Variants in EYA4 observed in about 807,000 individuals in gnomAD.
EYA4 encodes EYA transcriptional coactivator and phosphatase 4.
In EYA4, 31 loss-of-function variants were observed where a neutral mutation model predicts 87.9. That is an observed-to-expected ratio of 0.35 (90% CI 0.27 to 0.48). The LOEUF (loss-of-function observed/expected upper bound fraction) is 0.48, where lower values mean the gene tolerates loss of function less well. EYA4 is among the 20% of genes least tolerant of loss of function. The pLI is 0.99. For missense variants in EYA4, 678 were observed against 761.4 expected (o/e 0.89, Z 1.29); for synonymous variants, 263 against 270.6 (o/e 0.97, Z 0.28).
intron 2 of EYA4, among the ~76,000 whole-genome samples, chr6:133,331,156 A>G (rs920808103): frequency 1.1e-4 from 17 of 150,702 alleles, no homozygotes; most frequent in Admixed American, 6.0e-4. Flanking sequence ...TTCTTATCCT[A>G]TAAAATGAAT....
intron 2 of EYA4, among the ~76,000 whole-genome samples, chr6:133,378,091 G>T (rs1785858426): frequency 6.6e-6 from 1 of 152,050 alleles, no homozygotes; most frequent in African/African-American, 2.4e-5. Flanking sequence ...TCATCAAGTT[G>T]TATACATTAA....
At chr6:133,502,817 C>G (rs1798250787) in intron 13 of EYA4, 1 of 151,976 alleles carries the variant, frequency 6.6e-6, no homozygotes, top group African/African-American at 2.4e-5. Context: ...CCATCTGTGC[C>G]AAGACTTTGG....
intron 2 of EYA4, among the ~76,000 whole-genome samples, chr6:133,301,277 G>A (rs1267912699): frequency 6.6e-6 from 1 of 152,182 alleles, no homozygotes; most frequent in Non-Finnish European, 1.5e-5. Flanking sequence ...CCTGATGAAT[G>A]GATGTTTATC....
At chr6:133,324,874 TG>T (rs1415414112) in intron 2 of EYA4, among the ~76,000 whole-genome samples, 1 of 151,690 alleles carries the variant, frequency 6.6e-6, no homozygotes, top group Non-Finnish European at 1.5e-5. Context: ...TAGTTTTTCT[TG>T]AAAATTTATG....
intron 3 of EYA4, among the ~76,000 whole-genome samples, chr6:133,385,894 T>C (rs1482623453): frequency 6.6e-6 from 1 of 152,164 alleles, no homozygotes; most frequent in Non-Finnish European, 1.5e-5. Context: ...CACCAAACTA[T>C]CTTCTTTGAA....
chr6:133,513,183 TTGG>T (rs1420834210), intron 16 of EYA4, 145 bp downstream of exon 16: 1 of 808,700 alleles, frequency 1.2e-6, no homozygotes, highest in Non-Finnish European at 2.0e-6. Context: ...TTTCTTAGAA[TTGG>T]TGGGAAAAAA....
chr6:133,290,183 A>G lies in EYA4; in HGVS notation c.33+15370A>G, dbSNP rs867573196. Among the ~76,000 whole-genome samples the G allele has an allele frequency of 3.1e-4, 47 of 152,162 alleles. 1 individual carries two copies. The highest frequency in any genetic ancestry group is 2.6e-4 in the Admixed American group (4 of 15,282). ...TTTGATGAGGTGAGCTCTATCTCCC[A>G]GTTTCTAGATGAGGGATTGCCCAAC... On this transcript the variant is annotated intron_variant, in intron 2 of 19. Coordinates refer to ENST00000355286, the MANE Select transcript of EYA4 (RefSeq NM_004100.5).
At chr6:133,455,240 C>T (rs1473500532) in intron 5 of EYA4, among the ~76,000 whole-genome samples, 2 of 152,064 alleles carry the variant, frequency 1.3e-5, no homozygotes, top group African/African-American at 2.4e-5. Context: ...GTAATAACCA[C>T]CAATTCATTA....
intron 11 of EYA4, among the ~76,000 whole-genome samples, chr6:133,481,220 G>A (rs1025651573): frequency 6.6e-6 from 1 of 152,148 alleles, no homozygotes; most frequent in African/African-American, 2.4e-5. Context: ...TAGACAGGAA[G>A]TTGAAGGCGT....
intron 2 of EYA4, among the ~76,000 whole-genome samples, chr6:133,347,605 C>G (rs1783292563): frequency 6.6e-6 from 1 of 152,052 alleles, no homozygotes; most frequent in Non-Finnish European, 1.5e-5. Flanking sequence ...ATTGCTAACC[C>G]CTATTATGCA....
intron 2 of EYA4, among the ~76,000 whole-genome samples, chr6:133,319,297 C>T (rs1187435819): frequency 1.3e-5 from 2 of 152,200 alleles, no homozygotes; most frequent in South Asian, 2.1e-4. Context: ...ACTCTGCATG[C>T]AGAATTAGCA....
At chr6:133,288,279 A>G (rs1778228418) in intron 2 of EYA4, among the ~76,000 whole-genome samples, 1 of 152,214 alleles carries the variant, frequency 6.6e-6, no homozygotes, top group Non-Finnish European at 1.5e-5. Context: ...CCATACTTTG[A>G]CAACCCCTGG....
At chr6:133,311,826 G>A (rs1423039620) in intron 2 of EYA4, among the ~76,000 whole-genome samples, 1 of 152,088 alleles carries the variant, frequency 6.6e-6, no homozygotes, top group East Asian at 1.9e-4. Context: ...ACTGTGCTGA[G>A]TACTGGGACA....
rs975937480 is a variant in EYA4, at chr6:133,323,185, A to G, written c.33+48372A>G. The stretch of plus-strand genomic sequence containing the variant: ...TAGCATATTTCCCCAAGCCAACATA[A>G]TTCTTGTTTTTCTCTTTTTAGAATA... On this transcript the variant is annotated intron_variant, in intron 2 of 19. Transcript: ENST00000355286. Among the ~76,000 whole-genome samples the G allele has an allele frequency of 3.3e-5, 5 of 152,092 alleles. No individual in the cohort carries two copies. The South Asian group carries it at 1.0e-3, about 32-fold the overall frequency.
intron 13 of EYA4, among the ~76,000 whole-genome samples, chr6:133,490,403 CA>C (rs1797048124): frequency 7.3e-6 from 1 of 137,902 alleles, no homozygotes; most frequent in Non-Finnish European, 1.5e-5. Context: ...CAAAAAAAAA[CA>C]AAAAACCGTG....
intron 3 of EYA4, among the ~76,000 whole-genome samples, chr6:133,441,564 C>G (rs139412567): frequency 3.3e-5 from 5 of 152,188 alleles, no homozygotes; most frequent in Non-Finnish European, 1.5e-5. Flanking sequence ...CCCCTGCTGC[C>G]GTGTCTTTCC....
chr6:133,416,687 A>G (rs1464223734), intron 3 of EYA4, among the ~76,000 whole-genome samples: 1 of 152,198 alleles, frequency 6.6e-6, no homozygotes, highest in Non-Finnish European at 1.5e-5. Flanking sequence ...ATACACCTAT[A>G]TTTTCGCATT....
intron 2 of EYA4, among the ~76,000 whole-genome samples, chr6:133,375,918 A>T (rs1180387992): frequency 1.3e-5 from 2 of 151,874 alleles, no homozygotes; most frequent in Admixed American, 6.6e-5. Context: ...AATTTACAAC[A>T]ATTTTATTCA....
At chr6:133,249,118 G>A (rs1774675343) in intron 1 of EYA4, among the ~76,000 whole-genome samples, 1 of 152,140 alleles carries the variant, frequency 6.6e-6, no homozygotes, top group Non-Finnish European at 1.5e-5. Flanking sequence ...GAGTGGGATG[G>A]ATAGATTTCT....
Sources: allele counts gnomAD v4.1 joint callset (sites outside exome capture counted in the v4.1 genomes callset), GRCh38; gene constraint gnomAD v4.1.1; transcripts MANE v1.5; gene names NCBI Gene and HGNC (gene_info 2026-07-23, HGNC 2026-07-21).